Variants in MAP3K11 observed in about 807,000 individuals in gnomAD.
MAP3K11 encodes the protein mitogen-activated protein kinase kinase kinase 11.
In MAP3K11, 46 loss-of-function variants were observed where a neutral mutation model predicts 84.9. The ratio of observed to expected loss-of-function variants is 0.54; its 90% CI spans 0.43 to 0.69. The LOEUF (loss-of-function observed/expected upper bound fraction) is 0.69. MAP3K11 is among the 30% of genes least tolerant of loss of function. MAP3K11 has a pLI of 0.00. For missense variants in MAP3K11, 1,053 were observed against 1,198.3 expected (o/e 0.88, Z 1.79); for synonymous variants, 527 against 514.7 (o/e 1.02, Z -0.32).
chr11:65,608,123 C>T, intron 2 of MAP3K11, 53 bp from the exon 3 acceptor site: 2 of 1,602,092 alleles, frequency 1.2e-6, no homozygotes, highest in Non-Finnish European at 1.7e-6. Context: ...ACCCCCACCC[C>T]CTTACTGCCA....
At chr11:65,605,059 C>G (rs375868706) in intron 8 of MAP3K11, among the ~76,000 whole-genome samples, 12 of 152,112 alleles carry the variant, frequency 7.9e-5, no homozygotes, top group Non-Finnish European at 1.8e-4. Flanking sequence ...GGAGCTGAAG[C>G]CTCTCTGGGT....
intron 8 of MAP3K11, among the ~76,000 whole-genome samples, chr11:65,605,384 C>T (rs997404280): frequency 9.2e-5 from 14 of 152,326 alleles, no homozygotes; most frequent in African/African-American, 3.4e-4. Flanking sequence ...ATTCCTTCCC[C>T]CATCTGGGTC....
intron 8 of MAP3K11, among the ~76,000 whole-genome samples, chr11:65,605,302 A>G (rs1036305319): frequency 2.0e-5 from 3 of 151,882 alleles, no homozygotes; most frequent in Admixed American, 6.6e-5. Context: ...TTCTTCACCT[A>G]CAGGCTCCCA....
intron 7 of MAP3K11, 23 bp from the exon 8 acceptor site, chr11:65,605,875 G>A: frequency 1.9e-6 from 3 of 1,612,666 alleles, no homozygotes; most frequent in South Asian, 2.2e-5. Context: ...GGGCAAGGAG[G>A]GGTGCTTTAG....
rs766718638 is a variant in MAP3K11 at position 65,608,031 on chromosome 11, C to T, written c.960G>A (p.Val320=). ...VLLWELLTGE[V]PYRGIDCLAV... ...CAAGGCAGTCAATGCCACGGTATGG[C>T]ACCTCCCCGGTCAGCAGTTCCCACA... The change falls in exon 3 of 10, where the codon GTG becomes GTA. Residue 320 remains valine, a synonymous_variant. Transcript: ENST00000309100. 6.2e-7 allele frequency: 1 copy of T among 1,614,182 alleles called. No homozygotes were observed. Among genetic ancestry groups the T allele is most frequent in the South Asian group, 1.1e-5 (1 of 91,090 alleles).
chr11:65,610,269 C>T (rs1854558494), intron 1 of MAP3K11: 1 of 152,264 alleles, frequency 6.6e-6, no homozygotes, highest in Admixed American at 6.5e-5. Flanking sequence ...GTCTCAAAAT[C>T]TACCCACTCC....
rs1380845904 is a variant in MAP3K11 at position 65,613,282 on chromosome 11, C to T, written c.475G>A (p.Glu159Lys). ...DPDEDISVTAESVRQEARLFA... is the reference protein window; with the variant it reads ...DPDEDISVTAKSVRQEARLFA... ...AGCCGGGCCTCCTGGCGAACGCTCT[C>T]GGCTGTCACACTGATGTCCTCATCG... The change falls in exon 1 of 10, where the codon GAG becomes AAG. Residue 159 changes from glutamate (E) to lysine (K), a missense_variant. Physicochemically the swap from Glu to Lys is moderately conservative, Grantham distance 56. This residue lies in a region of MAP3K11 where 310 missense variants were observed against 464.5 expected (regional missense o/e 0.67). Coordinates refer to ENST00000309100, the MANE Select transcript of MAP3K11 (RefSeq NM_002419.4). The T allele has an allele frequency of 1.9e-6, 3 of 1,612,902 alleles. No homozygotes were observed. Among genetic ancestry groups the T allele is most frequent in the African/African-American group, 1.3e-5 (1 of 75,054 alleles).
At chr11:65,604,444 T>C (rs7934992) in intron 8 of MAP3K11, among the ~76,000 whole-genome samples, 12,348 of 152,304 alleles carry the variant, frequency 0.081, 1,555 homozygotes, top group African/African-American at 0.27. Context: ...GGACAGATGC[T>C]GGGGGCAGTG....
chr11:65,599,415 G>A lies in MAP3K11; in HGVS notation c.2185C>T (p.Arg729Ter), dbSNP rs753529001. ...TCACCGCGGGGCTCCTCCTCACGTCGGGGGCTCTTGGCTGACCGCTGGCCC... is the reference window on the plus strand; with the variant it reads ...TCACCGCGGGGCTCCTCCTCACGTCAGGGGCTCTTGGCTGACCGCTGGCCC... ...PVGQRSAKSP[R>*]REEEPRGGTV... The change falls in exon 9 of 10, where the codon CGA becomes TGA. Residue 729 changes from arginine to a stop codon, truncating the protein, a stop_gained. Coordinates refer to ENST00000309100, the MANE Select transcript of MAP3K11 (RefSeq NM_002419.4). LOFTEE classifies it high-confidence loss of function. 1 of 1,530,946 alleles carries A rather than the reference G, an allele frequency of 6.5e-7. No individual in the cohort carries two copies. The highest frequency in any genetic ancestry group is 8.7e-7 in the Non-Finnish European group (1 of 1,149,974). The allele number at this position is 1,530,946 out of a possible 1,614,324, so 94.8% of individuals were successfully genotyped here. A position where few individuals can be genotyped will look rare whatever the true frequency, so the allele number is the denominator to read the frequency against.
chr11:65,604,419 A>G (rs762787122), intron 8 of MAP3K11, among the ~76,000 whole-genome samples: 2 of 152,264 alleles, frequency 1.3e-5, no homozygotes, highest in Non-Finnish European at 2.9e-5. Context: ...TCCAGCTCTC[A>G]GTTCAGTCCC....
At position 65,613,638 on chromosome 11, in the gene MAP3K11, C is replaced by G. The variant is rs768235387; in HGVS notation, c.119G>C (p.Gly40Ala). Reference protein sequence around the residue: ...GRPEGSPKAAGYANPVWTALF... With the variant: ...GRPEGSPKAAAYANPVWTALF... ...GGCTGTCCACACCGGGTTGGCATAA[C>G]CCGCTGCCTTTGGAGACCCCTCAGG... Residue 40 changes from glycine to alanine, a missense_variant, in exon 1 of 10, where the codon GGT becomes GCT. This residue lies in a region of MAP3K11 where 160 missense variants were observed against 167.3 expected (regional missense o/e 0.96). Transcript: ENST00000309100. 3 of 1,612,926 alleles carry G rather than the reference C, an allele frequency of 1.9e-6. No homozygotes were observed. In the South Asian group the frequency reaches 3.3e-5, roughly 18 times the overall value.
At position 65,605,772 on chromosome 11, in the gene MAP3K11, G is replaced by C; in HGVS notation, c.1820C>G (p.Pro607Arg). The change falls in exon 8 of 10, where the codon CCA becomes CGA. Residue 607 changes from proline to arginine, a missense_variant. Physicochemically the swap from Pro to Arg is moderately radical, Grantham distance 103. This residue lies in a region of MAP3K11 where 583 missense variants were observed against 566.6 expected (regional missense o/e 1.03). Coordinates refer to ENST00000309100, the MANE Select transcript of MAP3K11 (RefSeq NM_002419.4). ...SSPLGSPSTP[P>R]ALNGNPPRPS... ...GGAAGGCCACTCACCATTGAGTGCT[G>C]GGGGTGTGGAAGGAGATCCTAAGGG... 6.2e-7 allele frequency: 1 copy of C among 1,609,452 alleles called. No homozygotes were observed. Among genetic ancestry groups the C allele is most frequent in the Non-Finnish European group, 8.5e-7 (1 of 1,177,886 alleles).
chr11:65,604,620 C>G (rs753080487), intron 8 of MAP3K11, among the ~76,000 whole-genome samples: 42 of 152,204 alleles, frequency 2.8e-4, no homozygotes, highest in Admixed American at 1.3e-4. Flanking sequence ...CAGGCCAATA[C>G]TACTACTCCC....
rs768870857 is a variant in MAP3K11, at chr11:65,605,804, G to A, written c.1788C>T (p.Asp596=). 80 of 1,612,990 alleles carry A rather than the reference G, an allele frequency of 5.0e-5. No individual in the cohort carries two copies. The highest frequency in any genetic ancestry group is 4.0e-4 in the East Asian group (18 of 44,796). ...DEATWYLDSD[D]SSPLGSPSTP... ...TGGAAGGAGATCCTAAGGGGGATGA[G>A]TCATCTGAATCCAGGTACCATGTGG... is the stretch of plus-strand genomic sequence containing the variant. The change falls in exon 8 of 10, where the codon GAC becomes GAT. Residue 596 remains aspartate (D), a synonymous_variant. Transcript: ENST00000309100.
rs1854523443 is a variant in MAP3K11, at chr11:65,607,374, TGCAGCAGCAGCGTC to T, written c.1371_1384del (p.Thr458AlafsTer49). The T allele has an allele frequency of 6.7e-7, 1 of 1,498,902 alleles. No individual in the cohort carries two copies. The highest frequency in any genetic ancestry group is 1.4e-5 in the African/African-American group (1 of 69,928). 92.9% of individuals were successfully genotyped at this position (1,498,902 alleles called of 1,614,324 possible). A position where few individuals can be genotyped will look rare whatever the true frequency, so the allele number is the denominator to read the frequency against. On this transcript the variant is annotated frameshift_variant, in exon 5 of 10. Transcript: ENST00000309100. LOFTEE classifies it high-confidence loss of function. ...GTGCGGTCGCTCGCGGTCCACCTGC[TGCAGCAGCAGCGTC>T]AGCTCGCGCTCGAACACCTCTAGCT...
chr11:65,611,802 G>A (rs1435934378), intron 1 of MAP3K11: 1 of 152,424 alleles, frequency 6.6e-6, no homozygotes, highest in Non-Finnish European at 1.5e-5. Context: ...GTGCCTTCGG[G>A]GAATCCCCCT....
chr11:65,599,798 G>T (rs760531669), intron 8 of MAP3K11, 30 bp from the exon 9 acceptor site: 1 of 1,584,266 alleles, frequency 6.3e-7, no homozygotes. Flanking sequence ...AGGTGAGGGT[G>T]TGGCTGGTGC....
chr11:65,606,560 G>C (rs1359849687), intron 6 of MAP3K11, 131 bp downstream of exon 6: 4 of 644,676 alleles, frequency 6.2e-6, no homozygotes, highest in Non-Finnish European at 1.1e-5. Context: ...TAACAGGCTA[G>C]ACCTAAGGCA....
Position 65,613,934 on chromosome 11 carries a change from G to T in MAP3K11, c.-178C>A, listed in dbSNP as rs1409060835. ...GTTGTCTCCCGGCCCCCCGCATCTCGGGCTTCTGGAGGAGGGCACCCAGGG... is the reference window on the plus strand; with the variant it reads ...GTTGTCTCCCGGCCCCCCGCATCTCTGGCTTCTGGAGGAGGGCACCCAGGG... On this transcript the variant is annotated 5_prime_UTR_variant, in exon 1 of 10. Transcript: ENST00000309100. 17 of 799,426 alleles carry T rather than the reference G, an allele frequency of 2.1e-5. No homozygotes were observed. The highest frequency in any genetic ancestry group is 3.2e-5 in the Non-Finnish European group (17 of 527,798). The allele number at this position is 799,426 out of a possible 1,614,324, so 49.5% of individuals were successfully genotyped here.
Sources: allele counts gnomAD v4.1 joint callset (sites outside exome capture counted in the v4.1 genomes callset), GRCh38; gene constraint gnomAD v4.1.1; regional missense constraint gnomAD v4.1.1; transcripts MANE v1.5; gene names NCBI Gene and HGNC (gene_info 2026-07-23, HGNC 2026-07-21).